Variants in PCDHA5 observed in about 807,000 individuals in gnomAD.
The protein encoded by PCDHA5 is protocadherin alpha 5.
PCDHA5 carries 43 observed loss-of-function variants against 61.6 expected under a neutral mutation model. That is an observed-to-expected ratio of 0.70 (90% CI 0.55 to 0.90). The LOEUF (loss-of-function observed/expected upper bound fraction) is 0.90. PCDHA5 is among the 40% of genes least tolerant of loss of function. PCDHA5 has a pLI of 0.00. For missense variants in PCDHA5, 1,298 were observed against 1,222.7 expected, an observed-to-expected ratio of 1.06 and a Z score of -0.92; for synonymous variants, 627 against 543.9, an observed-to-expected ratio of 1.15 and a Z score of -2.13.
rs6883852 is a variant in PCDHA5, at chr5:140,924,704, G to T, written c.2353-54245G>T. 8.9e-3 allele frequency among the ~76,000 whole-genome samples: 1,352 copies of T among 152,160 alleles called. 15 individuals are homozygous for T. Among genetic ancestry groups the T allele is most frequent in the African/African-American group, 0.032 (1,309 of 41,486 alleles). On this transcript the variant is annotated intron_variant, in intron 1 of 3. Coordinates refer to ENST00000529859, the MANE Select transcript of PCDHA5 (RefSeq NM_018908.3). ...GAGGTCAGGAGTTCGAGACCAGCTT[G>T]TGCAACATGGCGAAACCTCACCTCT...
intron 3 of PCDHA5, among the ~76,000 whole-genome samples, chr5:140,985,949 C>T (rs1195801055): frequency 2.6e-5 from 4 of 152,032 alleles, no homozygotes; most frequent in African/African-American, 9.7e-5. Context: ...CTGTGTTAGC[C>T]AGGATGGTCT....
At chr5:140,828,008 A>T (rs1427962519) in intron 1 of PCDHA5, 2 of 1,505,342 alleles carry the variant, frequency 1.3e-6, no homozygotes, top group African/African-American at 2.8e-5. Flanking sequence ...CGCAGAAGAA[A>T]TGGATTAATA....
chr5:140,870,572 C>T (rs782477275), intron 1 of PCDHA5: 1 of 1,613,946 alleles, frequency 6.2e-7, no homozygotes, highest in Non-Finnish European at 8.5e-7. Context: ...GCGCTGGTGT[C>T]CTACTCGCTG....
Position 140,982,486 on chromosome 5 carries a change from T to C in PCDHA5, c.2423T>C (p.Leu808Pro). ...LRAGMHSSVH[L>P]EEAGILRAGP... Reference sequence around the variant, plus strand: ...GTGTGTTTATTCAGCTCTGTGCACCTAGAGGAGGCTGGCATTCTACGGGCT... The same window carrying C: ...GTGTGTTTATTCAGCTCTGTGCACCCAGAGGAGGCTGGCATTCTACGGGCT... Residue 808 changes from leucine to proline, a missense_variant, in exon 3 of 4, where the codon CTA (leucine) becomes CCA (proline). Physicochemically the swap from Leu to Pro is moderately conservative, Grantham distance 98. Coordinates refer to ENST00000529859, the MANE Select transcript of PCDHA5 (RefSeq NM_018908.3). The C allele has an allele frequency of 6.2e-7, 1 of 1,614,180 alleles. No individual in the cohort carries two copies. Among genetic ancestry groups the C allele is most frequent in the South Asian group, 1.1e-5 (1 of 91,086 alleles).
At chr5:140,829,736 G>T (rs2150173634) in intron 1 of PCDHA5, 2 of 1,613,682 alleles carry the variant, frequency 1.2e-6, no homozygotes, top group South Asian at 1.1e-5. Flanking sequence ...GGGCAGCAAC[G>T]TGACGCTGCA....
intron 1 of PCDHA5, chr5:140,929,432 T>C: frequency 1.4e-6 from 2 of 1,474,372 alleles, no homozygotes; most frequent in Non-Finnish European, 1.8e-6. Flanking sequence ...TCAATTGAAC[T>C]AAACACTCCT....
chr5:140,933,244 A>G (rs1218658347), intron 1 of PCDHA5, among the ~76,000 whole-genome samples: 3 of 152,038 alleles, frequency 2.0e-5, no homozygotes, highest in African/African-American at 4.8e-5. Context: ...AGAAAGGACT[A>G]TAAACACAAA....
In PCDHA5 at chr5:140,843,020, G is replaced by C. The variant is rs142550829; in HGVS notation, c.2352+18893G>C. The C allele has an allele frequency of 3.1e-6, 5 of 1,595,174 alleles. 1 individual carries two copies. Among genetic ancestry groups the C allele is most frequent in the Non-Finnish European group, 4.3e-6 (5 of 1,165,458 alleles). ...GAATGACAACGCGCCGGCACTGCTGGAGCCTCGGGTGGGTGGCACTGGTGG... is the reference window on the plus strand; with the variant it reads ...GAATGACAACGCGCCGGCACTGCTGCAGCCTCGGGTGGGTGGCACTGGTGG... On this transcript the variant is annotated intron_variant, in intron 1 of 3. Coordinates refer to ENST00000529859, the MANE Select transcript of PCDHA5 (RefSeq NM_018908.3).
chr5:140,882,189 T>C, intron 1 of PCDHA5: 2 of 1,519,304 alleles, frequency 1.3e-6, no homozygotes, highest in Admixed American at 2.2e-5. Flanking sequence ...TAGGAAGCCA[T>C]AAAAATTGGG....
At chr5:140,870,534 G>T (rs547039725) in intron 1 of PCDHA5, 12 of 1,614,150 alleles carry the variant, frequency 7.4e-6, no homozygotes, top group Non-Finnish European at 1.0e-5. Context: ...TCACAGTGTC[G>T]GCGCGGGACG....
chr5:140,927,758 A>G (rs781942462), intron 1 of PCDHA5: 1 of 1,614,170 alleles, frequency 6.2e-7, no homozygotes, highest in Non-Finnish European at 8.5e-7. Flanking sequence ...GTGCACCCTA[A>G]AAGTGGGGAG....
At chr5:140,928,137 C>T (rs537220203) in intron 1 of PCDHA5, 14 of 1,614,066 alleles carry the variant, frequency 8.7e-6, no homozygotes, top group Admixed American at 1.7e-5. Flanking sequence ...AAGTCCTGAT[C>T]ACGGCCTCAG....
chr5:140,966,937 C>T (rs2096072123), intron 1 of PCDHA5: 6 of 1,604,032 alleles, frequency 3.7e-6, no homozygotes, highest in Non-Finnish European at 5.1e-6. Flanking sequence ...CCGGCGCGCT[C>T]GTGGGCAACG....
intron 1 of PCDHA5, among the ~76,000 whole-genome samples, chr5:140,950,864 A>G (rs1014752748): frequency 1.3e-5 from 2 of 151,930 alleles, no homozygotes; most frequent in Non-Finnish European, 2.9e-5. Context: ...ATTCTTGTAT[A>G]TTCTATATTG....
intron 1 of PCDHA5, chr5:140,928,231 CA>C: frequency 6.2e-7 from 1 of 1,614,226 alleles, no homozygotes; most frequent in Non-Finnish European, 8.5e-7. Flanking sequence ...AAACTTTCCT[CA>C]ACCCCAGCAG....
At position 140,982,295 on chromosome 5, in the gene PCDHA5, G is replaced by A. The variant is rs1047633434; in HGVS notation, c.2412-180G>A. ...AGTATAGCAGGCAATAAGTAAGTCA[G>A]CAATGCTTCTGCAGTTTATGCAGGG... On this transcript the variant is annotated intron_variant, in intron 2 of 3. Coordinates refer to ENST00000529859, the MANE Select transcript of PCDHA5 (RefSeq NM_018908.3). The A allele has an allele frequency of 3.4e-6, 4 of 1,160,172 alleles. No homozygotes were observed. In the Admixed American group the frequency reaches 8.4e-5, roughly 25 times the overall value. 71.9% of individuals were successfully genotyped at this position (1,160,172 alleles called of 1,614,324 possible).
At chr5:141,008,712 T>G (rs1554261909) in intron 3 of PCDHA5, among the ~76,000 whole-genome samples, 1 of 152,210 alleles carries the variant, frequency 6.6e-6, no homozygotes, top group Non-Finnish European at 1.5e-5. Flanking sequence ...TCTAGTTGCT[T>G]GAGTGTATGT....
intron 1 of PCDHA5, chr5:140,859,407 TA>T (rs1351466050): frequency 4.1e-6 from 1 of 244,528 alleles, no homozygotes; most frequent in African/African-American, 2.3e-5. Context: ...AGGGTTGGGT[TA>T]GATGATATAG....
chr5:140,841,477 G>A (rs2150316212), intron 1 of PCDHA5: 10 of 1,612,988 alleles, frequency 6.2e-6, no homozygotes, highest in African/African-American at 4.0e-5. Flanking sequence ...CGCAGGACCT[G>A]GGGCTGGAGC....
Sources: allele counts gnomAD v4.1 joint callset (sites outside exome capture counted in the v4.1 genomes callset), GRCh38; gene constraint gnomAD v4.1.1; transcripts MANE v1.5; gene names NCBI Gene and HGNC (gene_info 2026-07-23, HGNC 2026-07-21).